SERPINE3: variants seen among roughly 807,000 people sequenced by gnomAD.
The protein encoded by SERPINE3 is serpin E3.
SERPINE3 carries 43 observed loss-of-function variants against 41.7 expected under a neutral mutation model. That is an observed-to-expected ratio of 1.03 (90% CI 0.81 to 1.33). SERPINE3 has a LOEUF of 1.33. Ranked by LOEUF, SERPINE3 falls within the 40% of genes most tolerant of loss-of-function variation. The probability of loss-of-function intolerance (pLI) is 0.00; values close to 1 mark genes in which losing one functional copy is unlikely to be tolerated. For synonymous variants in SERPINE3, 200 were observed against 192.2 expected (o/e 1.04, Z -0.34); for missense variants, 440 against 491.7 (o/e 0.89, Z 0.99).
Position 51,344,330 on chromosome 13 carries a change from C to T in SERPINE3, c.335C>T (p.Ala112Val), listed in dbSNP as rs1402642192. ...AGCCAAGGCACCGAGATGGAGCTGG[C>T]CTGCAGCCTTTTTGTGCAAGTGGGA... ...TSSQGTEMELACSLFVQVGTP... is the reference protein window; with the variant it reads ...TSSQGTEMELVCSLFVQVGTP... The change falls in exon 4 of 10, where the codon GCC becomes GTC. Residue 112 changes from alanine (A) to valine (V), a missense_variant. Ala to Val is a moderately conservative substitution (Grantham distance 64, BLOSUM62 0). Coordinates refer to ENST00000681248, the MANE Select transcript of SERPINE3 (RefSeq NM_001386375.1). 6.2e-7 allele frequency: 1 copy of T among 1,613,946 alleles called. No homozygotes were observed. Among genetic ancestry groups the T allele is most frequent in the Admixed American group, 1.7e-5 (1 of 60,020 alleles).
At chr13:51,339,904 C>T (rs1593634484) in intron 1 of SERPINE3, among the ~76,000 whole-genome samples, 161 bp downstream of exon 1, 1 of 152,000 alleles carries the variant, frequency 6.6e-6, no homozygotes, top group East Asian at 1.9e-4. Flanking sequence ...TGACCCTGGG[C>T]TGGGACACAC....
chr13:51,348,324 G>C lies in SERPINE3; in HGVS notation c.812G>C (p.Ser271Thr). The C allele has an allele frequency of 6.2e-7, 1 of 1,613,820 alleles. No individual in the cohort carries two copies. The highest frequency in any genetic ancestry group is 8.5e-7 in the Non-Finnish European group (1 of 1,179,848). The stretch of plus-strand genomic sequence containing the variant: ...CCCCGTGACAAAGACACCCCCCTGA[G>C]CCACATCGAGCCACACCTCACAGCC... ...VLPRDKDTPL[S>T]HIEPHLTAST... Residue 271 changes from serine (S) to threonine (T), a missense_variant, in exon 6 of 10, where the codon AGC (serine) becomes ACC (threonine). Transcript: ENST00000681248.
At position 51,364,237 on chromosome 13, in the gene SERPINE3, AG is replaced by A; in HGVS notation, c.1173del. 1 of 1,426,008 alleles carries A rather than the reference AG, an allele frequency of 7.0e-7. No homozygotes were observed. The highest frequency in any genetic ancestry group is 9.4e-7 in the Non-Finnish European group (1 of 1,060,670). The allele number at this position is 1,426,008 out of a possible 1,614,324, so 88.3% of individuals were successfully genotyped here. On this transcript the variant is annotated splice_acceptor_variant, in intron 9 of 9. Coordinates refer to ENST00000681248, the MANE Select transcript of SERPINE3 (RefSeq NM_001386375.1). LOFTEE classifies it high-confidence loss of function. ...ATATTAAATTCTTCTTTTTCTTGAC[AG>A]GGTTTGTCTTCAGTATTGGGAGAGT...
At chr13:51,349,286 A>G (rs983260619) in intron 6 of SERPINE3, among the ~76,000 whole-genome samples, 1 of 152,190 alleles carries the variant, frequency 6.6e-6, no homozygotes, top group Admixed American at 6.5e-5. Context: ...CACTAGAAGG[A>G]AAAAATACAA....
chr13:51,357,473 A>G (rs1202706942), intron 7 of SERPINE3, among the ~76,000 whole-genome samples: 1 of 152,146 alleles, frequency 6.6e-6, no homozygotes, highest in Non-Finnish European at 1.5e-5. Flanking sequence ...GCAGTTTTGT[A>G]CTACTGATGG....
chr13:51,343,190 C>T (rs1216295011), intron 3 of SERPINE3, among the ~76,000 whole-genome samples: 3 of 152,122 alleles, frequency 2.0e-5, no homozygotes, highest in East Asian at 1.9e-4. Flanking sequence ...GAAAACCAGC[C>T]GGAGCCAGGT....
At chr13:51,354,492 A>C (rs1388228873) in intron 6 of SERPINE3, among the ~76,000 whole-genome samples, 3 of 152,030 alleles carry the variant, frequency 2.0e-5, no homozygotes, top group Non-Finnish European at 1.5e-5. Context: ...ACAGTGGGGC[A>C]CACCTGCAGT....
Position 51,355,075 on chromosome 13 carries a change from G to A in SERPINE3, c.932G>A (p.Ser311Asn), listed in dbSNP as rs1955459275. 5 of 1,547,924 alleles carry A rather than the reference G, an allele frequency of 3.2e-6. No homozygotes were observed. The highest frequency in any genetic ancestry group is 2.4e-5 in the East Asian group (1 of 41,590). The stretch of plus-strand genomic sequence containing the variant: ...ATCCAAAATCAATTCAACTTAAAAA[G>A]CATTTTAAATTCTTGGGGAGTCACC... ...FRIQNQFNLK[S>N]ILNSWGVTDL... The change falls in exon 7 of 10, where the codon AGC (serine) becomes AAC (asparagine). Residue 311 changes from serine (S) to asparagine (N), a missense_variant. Physicochemically the swap from Ser to Asn is conservative, Grantham distance 46. Transcript: ENST00000681248.
chr13:51,356,239 T>G (rs1027275867), intron 7 of SERPINE3, among the ~76,000 whole-genome samples: 3 of 152,026 alleles, frequency 2.0e-5, no homozygotes, highest in African/African-American at 7.3e-5. Flanking sequence ...TGGCACACAG[T>G]TGGATACCAA....
At chr13:51,348,133 C>A in intron 5 of SERPINE3, 80 bp from the exon 6 acceptor site, 1 of 1,108,798 alleles carries the variant, frequency 9.0e-7, no homozygotes, top group Non-Finnish European at 1.3e-6. Context: ...TCCTCTGAGC[C>A]AGCCTCTCTC....
At chr13:51,342,983 G>C (rs1251385998) in intron 3 of SERPINE3, among the ~76,000 whole-genome samples, 2 of 152,204 alleles carry the variant, frequency 1.3e-5, no homozygotes, top group East Asian at 1.9e-4. Context: ...TTGTGGACAA[G>C]TGATGTCTGC....
intron 7 of SERPINE3, among the ~76,000 whole-genome samples, chr13:51,357,957 C>T (rs1026940824): frequency 6.6e-6 from 1 of 152,074 alleles, no homozygotes; most frequent in African/African-American, 2.4e-5. Context: ...AATGAACAAA[C>T]CAGAGTTGTT....
chr13:51,342,622 C>T (rs1015663853), intron 3 of SERPINE3, among the ~76,000 whole-genome samples: 2 of 152,154 alleles, frequency 1.3e-5, no homozygotes, highest in African/African-American at 4.8e-5. Flanking sequence ...AGCCAACTTA[C>T]TCTACTATTT....
At chr13:51,343,027 G>A (rs900555136) in intron 3 of SERPINE3, among the ~76,000 whole-genome samples, 1 of 152,060 alleles carries the variant, frequency 6.6e-6, no homozygotes, top group Admixed American at 6.5e-5. Flanking sequence ...GTTTGGCTGG[G>A]GACCCTGGCC....
chr13:51,355,494 T>A (rs936635869), intron 7 of SERPINE3, among the ~76,000 whole-genome samples: 2 of 152,132 alleles, frequency 1.3e-5, no homozygotes, highest in Non-Finnish European at 2.9e-5. Context: ...TGCTGTCCCA[T>A]CAGCTTCAGT....
intron 3 of SERPINE3, among the ~76,000 whole-genome samples, chr13:51,342,778 C>T (rs1345463509): frequency 1.3e-5 from 2 of 152,156 alleles, no homozygotes; most frequent in African/African-American, 4.8e-5. Context: ...AGTCAACATT[C>T]CTAGGAATGT....
At chr13:51,347,308 G>T in intron 5 of SERPINE3, 74 bp downstream of exon 5, 1 of 1,285,852 alleles carries the variant, frequency 7.8e-7, no homozygotes, top group Non-Finnish European at 1.1e-6. Context: ...AGGAGGCCAG[G>T]TCCCTGCTCC....
chr13:51,361,077 T>C (rs1403924609), intron 7 of SERPINE3, among the ~76,000 whole-genome samples: 1 of 152,034 alleles, frequency 6.6e-6, no homozygotes, highest in Non-Finnish European at 1.5e-5. Context: ...TTTGGTAACA[T>C]ATTGAGTCTT....
rs779142291 is a variant in SERPINE3 at position 51,347,212 on chromosome 13, C to T, written c.678C>T (p.His226=). ...YGLVLQVPMM[H]QTTEVNYGQF... ...TCGTCCTTCAGGTCCCCATGATGCA[C>T]CAAACGACCGAGGTCAACTACGGTG... Residue 226 remains histidine, a synonymous_variant, in exon 5 of 10, where the codon CAC becomes CAT. Transcript: ENST00000681248. The T allele has an allele frequency of 3.7e-6, 6 of 1,613,842 alleles. No individual in the cohort carries two copies. The highest frequency in any genetic ancestry group is 1.7e-5 in the Admixed American group (1 of 60,018).
Sources: allele counts gnomAD v4.1 joint callset (sites outside exome capture counted in the v4.1 genomes callset), GRCh38; gene constraint gnomAD v4.1.1; transcripts MANE v1.5; gene names NCBI Gene and HGNC (gene_info 2026-07-23, HGNC 2026-07-21).